The following CTU2 variants were observed in gnomAD, a reference collection of about 807,000 sequenced individuals.
CTU2 encodes the protein cytoplasmic tRNA 2-thiolation protein 2.
Under a neutral mutation model 64.1 loss-of-function variants are expected in CTU2, and 80 were observed. The observed-to-expected ratio is 1.25, with a 90% CI of 1.04 to 1.50. CTU2 has a LOEUF of 1.50. Ranked by LOEUF, CTU2 falls within the 40% of genes most tolerant of loss-of-function variation. CTU2 has a pLI of 0.00. For synonymous variants in CTU2, 482 were observed against 285.3 expected (o/e 1.69, Z -6.95); for missense variants, 1,110 against 690.2 (o/e 1.61, Z -6.81).
At chr16:88,710,344 C>T in intron 4 of CTU2, 62 bp downstream of exon 4, 1 of 1,560,170 alleles carries the variant, frequency 6.4e-7, no homozygotes, top group Admixed American at 1.7e-5. Context: ...GGGGGCCTCC[C>T]TTCTCAGCCT....
chr16:88,712,432 G>T (rs1212549002), intron 6 of CTU2, 49 bp downstream of exon 6: 7 of 1,480,146 alleles, frequency 4.7e-6, no homozygotes, highest in East Asian at 2.4e-5. Flanking sequence ...CCCCTGGGGG[G>T]CACCTGCCCG....
rs1348527641 is a variant in CTU2, at chr16:88,714,466, C to T, written c.1181C>T (p.Ala394Val). The T allele has an allele frequency of 3.7e-6, 6 of 1,612,490 alleles. No individual in the cohort carries two copies. The highest frequency in any genetic ancestry group is 4.5e-5 in the East Asian group (2 of 44,884). Residue 394 changes from alanine to valine, a missense_variant, in exon 11 of 15, where the codon GCC becomes GTC. Ala to Val is a moderately conservative substitution (Grantham distance 64, BLOSUM62 0). Transcript: ENST00000453996. The stretch of plus-strand genomic sequence containing the variant: ...CCCCGCTGCCTCCTCTGCATGTGTG[C>T]CCTGGACGTCGACGCCGCTGGTCTG... The part of the protein sequence containing the change: ...SGPRCLLCMC[A>V]LDVDAADSAT...
chr16:88,710,595 C>T (rs551924282), intron 4 of CTU2: 2 of 395,608 alleles, frequency 5.1e-6, no homozygotes, highest in Non-Finnish European at 4.7e-6. Context: ...GAAGCTGGGT[C>T]CACAGTGCGT....
chr16:88,708,224 T>G (rs778085350), intron 2 of CTU2, among the ~76,000 whole-genome samples: 52 of 152,200 alleles, frequency 3.4e-4, no homozygotes, highest in Non-Finnish European at 6.8e-4. Context: ...TAGGCCCTTG[T>G]GGCCAGAAGG....
At chr16:88,711,174 G>T (rs561161671) in intron 4 of CTU2, among the ~76,000 whole-genome samples, 38 of 152,310 alleles carry the variant, frequency 2.5e-4, no homozygotes, top group Non-Finnish European at 5.0e-4. Context: ...TGCCAGGAGG[G>T]TGTTGTGAGG....
At position 88,714,818 on chromosome 16, in the gene CTU2, TGAG is replaced by T. The variant is rs757619483; in HGVS notation, c.1353-40_1353-38del. The T allele has an allele frequency of 6.1e-5, 98 of 1,611,566 alleles. No homozygotes were observed. In the African/African-American group the frequency reaches 1.3e-3, roughly 21 times the overall value. On this transcript the variant is annotated intron_variant, in intron 12 of 14. Transcript: ENST00000453996. ...GTCCTTACCCCACACTGCACGGCATTGAGGTGCCAAGGTGGGCACACAGCCAGC... is the reference window on the plus strand; with the variant it reads ...GTCCTTACCCCACACTGCACGGCATTGTGCCAAGGTGGGCACACAGCCAGC...
Position 88,711,618 on chromosome 16 carries a change from G to C in CTU2, c.283-17G>C, listed in dbSNP as rs770844041. 8 of 1,586,902 alleles carry C rather than the reference G, an allele frequency of 5.0e-6. No individual in the cohort carries two copies. Among genetic ancestry groups the C allele is most frequent in the South Asian group, 1.1e-5 (1 of 87,602 alleles). On this transcript the variant is annotated splice_polypyrimidine_tract_variant and intron_variant, in intron 4 of 14. Coordinates refer to ENST00000453996, the MANE Select transcript of CTU2 (RefSeq NM_001012759.3). ...GCTTATGGCTGGGGGCTGAGTCCCTGCTGCTTCTCCCTCTAGGGCCTGAGC... is the reference window on the plus strand; with the variant it reads ...GCTTATGGCTGGGGGCTGAGTCCCTCCTGCTTCTCCCTCTAGGGCCTGAGC...
rs1211179308 is a variant in CTU2 at position 88,715,376 on chromosome 16, T to A, written c.*125T>A. ...TTGTATAAATAAAACATTTTTTAAT[T>A]AAAAAAAAAACTCTACAGTACACGT... On this transcript the variant is annotated 3_prime_UTR_variant, in exon 15 of 15. Coordinates refer to ENST00000453996, the MANE Select transcript of CTU2 (RefSeq NM_001012759.3). 1 of 1,087,754 alleles carries A rather than the reference T, an allele frequency of 9.2e-7. No homozygotes were observed. Among genetic ancestry groups the A allele is most frequent in the Non-Finnish European group, 1.3e-6 (1 of 789,736 alleles). The allele number at this position is 1,087,754 out of a possible 1,614,324, so 67.4% of individuals were successfully genotyped here.
In CTU2 at chr16:88,713,654, C is replaced by T. The variant is rs201111272; in HGVS notation, c.881C>T (p.Ser294Leu). 5.0e-6 allele frequency: 8 copies of T among 1,612,152 alleles called. No homozygotes were observed. Among genetic ancestry groups the T allele is most frequent in the East Asian group, 4.5e-5 (2 of 44,856 alleles). Residue 294 changes from serine to leucine, a missense_variant, in exon 9 of 15, where the codon TCG becomes TTG. Ser to Leu is a moderately radical substitution (Grantham distance 145). Coordinates refer to ENST00000453996, the MANE Select transcript of CTU2 (RefSeq NM_001012759.3). The stretch of plus-strand genomic sequence containing the variant: ...AGCCCCTGCCTCCCGCAGGGCTTCT[C>T]GGATGAGCGGCACGGGGACGTGGTG... The part of the protein sequence containing the change: ...GAFLAWDTGF[S>L]DERHGDVVVV...
rs11395253 is a variant in CTU2, at chr16:88,707,812, G to GTT, written c.143+609_143+610dup. Reference sequence around the variant, plus strand: ...GCGTGGTTTTTTTGTTGTTGTTGTTGTTTTTTTTGAGATGGAGTCTCCCTC... The same window carrying GTT: ...GCGTGGTTTTTTTGTTGTTGTTGTTGTTTTTTTTTTGAGATGGAGTCTCCCTC... On this transcript the variant is annotated intron_variant, in intron 2 of 14. Transcript: ENST00000453996. Among the ~76,000 whole-genome samples the GTT allele has an allele frequency of 1.5e-3, 213 of 144,708 alleles. 2 individuals carry two copies. In the South Asian group the frequency reaches 0.018, roughly 12 times the overall value. The allele number at this position is 144,708 out of a possible 152,430, so 94.9% of individuals were successfully genotyped here.
Position 88,711,671 on chromosome 16 carries a change from G to A in CTU2, c.319G>A (p.Val107Met), listed in dbSNP as rs1911330132. ...AGATTCTGCCAAAAGACTGCGCTTT[G>A]TGGCAGGAGTCATCTTTGTTGACGG... is the stretch of plus-strand genomic sequence containing the variant. ...SQDSAKRLRF[V>M]AGVIFVDEGA... The change falls in exon 5 of 15, where the codon GTG (valine) becomes ATG (methionine). Residue 107 changes from valine to methionine, a missense_variant. Transcript: ENST00000453996. 6.2e-7 allele frequency: 1 copy of A among 1,608,762 alleles called. No individual in the cohort carries two copies. The highest frequency in any genetic ancestry group is 8.5e-7 in the Non-Finnish European group (1 of 1,176,766).
At position 88,711,508 on chromosome 16, in the gene CTU2, G is replaced by A. The variant is rs556558567; in HGVS notation, c.283-127G>A. 2.3e-5 allele frequency: 22 copies of A among 939,598 alleles called. No homozygotes were observed. The East Asian group carries it at 3.6e-4, about 15-fold the overall frequency. 58.2% of individuals were successfully genotyped at this position (939,598 alleles called of 1,614,324 possible). On this transcript the variant is annotated intron_variant, in intron 4 of 14. Transcript: ENST00000453996. ...GTCTGAATGGCTTTGTCCAATAAAC[G>A]CAATGGCAGGGGAAGACCACTTCAC... is the stretch of plus-strand genomic sequence containing the variant.
At chr16:88,711,942 G>A in intron 5 of CTU2, 1 of 603,170 alleles carries the variant, frequency 1.7e-6, no homozygotes. Context: ...GTCGGGGGTG[G>A]GAGCAGGAGT....
Position 88,708,588 on chromosome 16 carries a change from G to A in CTU2, c.144-1350G>A, listed in dbSNP as rs138381960. 5.8e-4 allele frequency among the ~76,000 whole-genome samples: 89 copies of A among 152,242 alleles called. 2 individuals are homozygous for A. The East Asian group carries it at 0.016, about 27-fold the overall frequency. On this transcript the variant is annotated intron_variant, in intron 2 of 14. Coordinates refer to ENST00000453996, the MANE Select transcript of CTU2 (RefSeq NM_001012759.3). ...CATGTCCCAGCCTTGATACTTGCCA[G>A]TTACCTGCAGTCCCTCACCTGGCAT...
chr16:88,711,781 G>A, intron 5 of CTU2, 86 bp downstream of exon 5: 1 of 1,286,600 alleles, frequency 7.8e-7, no homozygotes, highest in Non-Finnish European at 1.1e-6. Flanking sequence ...CCTCCCTCTG[G>A]TGCCGGTCCT....
Position 88,715,185 on chromosome 16 carries a change from CTG to C in CTU2, c.1483_1484del (p.Trp495GlyfsTer11). 6.2e-7 allele frequency: 1 copy of C among 1,612,310 alleles called. No homozygotes were observed. The highest frequency in any genetic ancestry group is 8.5e-7 in the Non-Finnish European group (1 of 1,179,792). On this transcript the variant is annotated frameshift_variant, in exon 15 of 15. Coordinates refer to ENST00000453996, the MANE Select transcript of CTU2 (RefSeq NM_001012759.3). LOFTEE classifies it low-confidence loss of function (END_TRUNC). ...AEAQLRTQRA[W>X]GLQEIRDCLI... ...CCCACTGCAGCTTTCTCTCTAGGGCCTGGGGCTTGCAGGAGATCCGGGACTGT... is the reference window on the plus strand; with the variant it reads ...CCCACTGCAGCTTTCTCTCTAGGGCCGGGCTTGCAGGAGATCCGGGACTGT...
chr16:88,712,317 C>G lies in CTU2; in HGVS notation c.387C>G (p.Thr129=), dbSNP rs745307187. ...CGQSLEERSK[T]LAEVKPILQA... The stretch of plus-strand genomic sequence containing the variant: ...AGAGCCTAGAGGAGAGATCAAAGAC[C>G]CTGGCCGAAGTGAAGCCCATTCTGC... Residue 129 remains threonine, a synonymous_variant, in exon 6 of 15, where the codon ACC becomes ACG. Coordinates refer to ENST00000453996, the MANE Select transcript of CTU2 (RefSeq NM_001012759.3). 3.1e-6 allele frequency: 5 copies of G among 1,609,888 alleles called. No individual in the cohort carries two copies. Among genetic ancestry groups the G allele is most frequent in the African/African-American group, 2.7e-5 (2 of 74,838 alleles).
intron 1 of CTU2, 22 bp downstream of exon 1, chr16:88,706,620 C>A: frequency 7.2e-7 from 1 of 1,381,676 alleles, no homozygotes; most frequent in South Asian, 1.6e-5. Flanking sequence ...CGGCCGGACC[C>A]GCCAGGCCGC....
intron 4 of CTU2, 129 bp downstream of exon 4, chr16:88,710,411 G>A (rs188101062): frequency 1.6e-5 from 14 of 899,706 alleles, no homozygotes; most frequent in Admixed American, 1.1e-4. Flanking sequence ...CTGGACACTT[G>A]GGGGGTTCTC....
Sources: allele counts gnomAD v4.1 joint callset (sites outside exome capture counted in the v4.1 genomes callset), GRCh38; gene constraint gnomAD v4.1.1; transcripts MANE v1.5; gene names NCBI Gene and HGNC (gene_info 2026-07-23, HGNC 2026-07-21).